The following CWF19L2 variants were observed in gnomAD, a reference collection of about 807,000 sequenced individuals.
CWF19L2 encodes the protein CWF19-like protein 2.
Under a neutral mutation model 111.7 loss-of-function variants are expected in CWF19L2, and 98 were observed. That is an observed-to-expected ratio of 0.88 (90% CI 0.75 to 1.04). The LOEUF (loss-of-function observed/expected upper bound fraction) is 1.04, where lower values mean the gene tolerates loss of function less well. Ranked by LOEUF, CWF19L2 falls within the 50% of genes least tolerant of loss-of-function variation. The pLI is 0.00. For synonymous variants in CWF19L2, 351 were observed against 342.9 expected, an observed-to-expected ratio of 1.02 and a Z score of -0.26; for missense variants, 1,101 against 1,051.4, an observed-to-expected ratio of 1.05 and a Z score of -0.65.
At chr11:107,433,880 T>TTATATATA (rs61304388) in intron 6 of CWF19L2, 131 bp from the exon 7 acceptor site, 1,344 of 121,922 alleles carry the variant, frequency 0.011, 11 homozygotes, top group African/African-American at 0.018. Flanking sequence ...CTTTGGAATT[T>TTATATATA]TATATATATA....
At chr11:107,416,988 T>A (rs1361591465) in intron 9 of CWF19L2, among the ~76,000 whole-genome samples, 3 of 152,224 alleles carry the variant, frequency 2.0e-5, no homozygotes, top group Non-Finnish European at 4.4e-5. Context: ...CCCTTACCAA[T>A]TTCTAGGACG....
intron 12 of CWF19L2, among the ~76,000 whole-genome samples, chr11:107,364,366 A>G (rs1377661327): frequency 6.7e-6 from 1 of 148,318 alleles, no homozygotes; most frequent in African/African-American, 2.5e-5. Context: ...TCAACAGAAT[A>G]TACATTTTTT....
intron 12 of CWF19L2, among the ~76,000 whole-genome samples, chr11:107,379,192 C>T (rs1393819749): frequency 2.0e-5 from 3 of 152,206 alleles, no homozygotes; most frequent in South Asian, 2.1e-4. Context: ...CCTAGCAAGT[C>T]CTCAAAAATT....
chr11:107,370,091 T>G (rs566937749), intron 12 of CWF19L2, among the ~76,000 whole-genome samples: 1 of 137,664 alleles, frequency 7.3e-6, no homozygotes, highest in Admixed American at 7.1e-5. Flanking sequence ...CTACTAATGA[T>G]TAAATAACCA....
chr11:107,444,465 T>G (rs1473078372), intron 3 of CWF19L2, among the ~76,000 whole-genome samples: 6 of 152,182 alleles, frequency 3.9e-5, no homozygotes, highest in African/African-American at 1.4e-4. Flanking sequence ...TCCATTTCCT[T>G]CATGAACTCT....
intron 8 of CWF19L2, among the ~76,000 whole-genome samples, chr11:107,418,963 T>C (rs1023255849): frequency 4.6e-5 from 7 of 152,180 alleles, no homozygotes; most frequent in African/African-American, 1.2e-4. Context: ...AAAGGAGACA[T>C]AGCCAGGAGT....
chr11:107,357,772 T>C (rs1225805639), intron 12 of CWF19L2, among the ~76,000 whole-genome samples: 1 of 152,226 alleles, frequency 6.6e-6, no homozygotes, highest in Non-Finnish European at 1.5e-5. Flanking sequence ...CAATCATATA[T>C]ACCTCTTCTA....
intron 12 of CWF19L2, among the ~76,000 whole-genome samples, chr11:107,362,333 A>G (rs2134559598): frequency 6.6e-6 from 1 of 152,000 alleles, no homozygotes; most frequent in East Asian, 2.0e-4. Flanking sequence ...CAGCTCAAGG[A>G]GGACTGCCTG....
chr11:107,361,808 G>C (rs987817335), intron 12 of CWF19L2, among the ~76,000 whole-genome samples: 1 of 152,166 alleles, frequency 6.6e-6, no homozygotes, highest in Non-Finnish European at 1.5e-5. Flanking sequence ...ACTGGAAGAT[G>C]TTGGGGGAGG....
intron 12 of CWF19L2, among the ~76,000 whole-genome samples, chr11:107,385,258 C>A (rs1860747976): frequency 6.6e-6 from 1 of 151,810 alleles, no homozygotes; most frequent in African/African-American, 2.4e-5. Flanking sequence ...ATTGGCCCCA[C>A]TGCACATAGG....
intron 16 of CWF19L2, among the ~76,000 whole-genome samples, chr11:107,334,618 A>T (rs1859894919): frequency 1.3e-5 from 2 of 152,220 alleles, no homozygotes; most frequent in African/African-American, 4.8e-5. Context: ...GCAGACTCTA[A>T]TAGCTGCCAT....
intron 3 of CWF19L2, among the ~76,000 whole-genome samples, chr11:107,447,003 C>T (rs1203322459): frequency 6.6e-6 from 1 of 152,176 alleles, no homozygotes. Flanking sequence ...ACCTCTAATT[C>T]TATCTAGTGG....
intron 6 of CWF19L2, among the ~76,000 whole-genome samples, chr11:107,437,644 A>T (rs557831641): frequency 6.6e-6 from 1 of 152,178 alleles, no homozygotes; most frequent in Non-Finnish European, 1.5e-5. Context: ...AGGGGAAGGG[A>T]GAAGGGCACT....
intron 3 of CWF19L2, among the ~76,000 whole-genome samples, chr11:107,444,694 G>A (rs1020040362): frequency 6.6e-6 from 1 of 152,172 alleles, no homozygotes; most frequent in Non-Finnish European, 1.5e-5. Flanking sequence ...AGTAAGAACA[G>A]AAGATAAAGC....
chr11:107,339,605 T>C (rs1859975286), intron 14 of CWF19L2, among the ~76,000 whole-genome samples: 1 of 152,092 alleles, frequency 6.6e-6, no homozygotes, highest in Non-Finnish European at 1.5e-5. Context: ...TTTATATGCT[T>C]ATTTGCCATC....
chr11:107,438,172 T>C (rs1454601858), intron 6 of CWF19L2, among the ~76,000 whole-genome samples: 2 of 152,240 alleles, frequency 1.3e-5, no homozygotes, highest in Non-Finnish European at 1.5e-5. Flanking sequence ...CAGGAAAACA[T>C]CCTACTGATA....
intron 3 of CWF19L2, among the ~76,000 whole-genome samples, chr11:107,449,623 T>C (rs1329325375): frequency 2.7e-5 from 4 of 150,934 alleles, no homozygotes; most frequent in Non-Finnish European, 4.4e-5. Flanking sequence ...AGTCTAATTA[T>C]AAAAGTAAAA....
At chr11:107,364,963 T>C (rs1860416155) in intron 12 of CWF19L2, among the ~76,000 whole-genome samples, 2 of 105,712 alleles carry the variant, frequency 1.9e-5, no homozygotes, top group Admixed American at 9.9e-5. Context: ...AAGAATCAAA[T>C]AGACGCAATA....
At chr11:107,359,613 C>T (rs545760128) in intron 12 of CWF19L2, among the ~76,000 whole-genome samples, 2 of 151,900 alleles carry the variant, frequency 1.3e-5, no homozygotes, top group African/African-American at 4.8e-5. Context: ...GGTTTTAGTT[C>T]GAAAAGGAGA....
Sources: allele counts gnomAD v4.1 joint callset (sites outside exome capture counted in the v4.1 genomes callset), GRCh38; gene constraint gnomAD v4.1.1; transcripts MANE v1.5; gene names NCBI Gene and HGNC (gene_info 2026-07-23, HGNC 2026-07-21).